BRD9: variants seen among roughly 807,000 people sequenced by gnomAD.
BRD9 encodes the protein bromodomain containing 9, also known as bromodomain-containing protein 9.
Under a neutral mutation model 68.7 loss-of-function variants are expected in BRD9, and 47 were observed. The ratio of observed to expected loss-of-function variants is 0.68; its 90% CI spans 0.54 to 0.87. The LOEUF (loss-of-function observed/expected upper bound fraction) is 0.87. Among genes scored for constraint, BRD9 ranks in the 40% least tolerant of loss-of-function variants. The pLI is 0.00. For synonymous variants in BRD9, 313 were observed against 293.9 expected (o/e 1.06, Z -0.67); for missense variants, 670 against 748.4 (o/e 0.90, Z 1.22).
chr5:878,611 C>T (rs1751356711), intron 10 of BRD9, 124 bp from the exon 11 acceptor site: 2 of 1,361,652 alleles, frequency 1.5e-6, no homozygotes, highest in Non-Finnish European at 2.0e-6. Context: ...TCTCACCTCT[C>T]TTGCTCTCCA....
chr5:882,092 G>C (rs1420867502), intron 8 of BRD9: 1 of 152,796 alleles, frequency 6.5e-6, no homozygotes, highest in African/African-American at 2.4e-5. Flanking sequence ...TCTATCTGCA[G>C]AGGGCTTCAC....
In BRD9 at chr5:887,382, T is replaced by C. The variant is rs775294530; in HGVS notation, c.696A>G (p.Ala232=). 1 of 1,613,430 alleles carries C rather than the reference T, an allele frequency of 6.2e-7. No individual in the cohort carries two copies. Among genetic ancestry groups the C allele is most frequent in the Non-Finnish European group, 8.5e-7 (1 of 1,179,376 alleles). The part of the protein sequence containing the change: ...YYKLAKKILH[A]GFKMMSKQAA... The stretch of plus-strand genomic sequence containing the variant: ...TTACTTTGCTCATCATCTTAAAGCC[T>C]GCGTGAAGGATCTTCTTCGCCAACT... The change falls in exon 6 of 16, where the codon GCA becomes GCG. Residue 232 remains alanine, a synonymous_variant. Coordinates refer to ENST00000467963, the MANE Select transcript of BRD9 (RefSeq NM_023924.5).
At position 878,457 on chromosome 5, in the gene BRD9, A is replaced by G; in HGVS notation, c.1169T>C (p.Leu390Pro). ...AAATACTGAATTATTCTGCATCGAA[A>G]GCGCAGTAGTGGCACTGGAGAGAAA... ...VTFLSSATTA[L>P]SMQNNSVFGD... The change falls in exon 11 of 16, where the codon CTT (leucine) becomes CCT (proline). Residue 390 changes from leucine to proline, a missense_variant. By Grantham distance (98) the Leu-to-Pro change is moderately conservative (BLOSUM62 -3). Transcript: ENST00000467963. 2.5e-6 allele frequency: 4 copies of G among 1,614,278 alleles called. No individual in the cohort carries two copies. The highest frequency in any genetic ancestry group is 3.4e-6 in the Non-Finnish European group (4 of 1,180,054).
intron 11 of BRD9, among the ~76,000 whole-genome samples, chr5:876,775 G>C (rs1432990432): frequency 6.6e-6 from 1 of 152,230 alleles, no homozygotes; most frequent in Non-Finnish European, 1.5e-5. Context: ...GGGCTCCCCA[G>C]ACTCCAAAGA....
chr5:864,459 G>A lies in BRD9; in HGVS notation c.*9C>T, dbSNP rs200771795. The A allele has an allele frequency of 1.3e-6, 2 of 1,583,436 alleles. No homozygotes were observed. Among genetic ancestry groups the A allele is most frequent in the Non-Finnish European group, 1.7e-6 (2 of 1,159,292 alleles). On this transcript the variant is annotated 3_prime_UTR_variant, in exon 16 of 16. Transcript: ENST00000467963. ...AAAATAAAATAAAAGAGCTGAAGGT[G>A]GTCTAGAGTTAGGTCTTGGCAGAGG...
intron 8 of BRD9, chr5:882,847 C>T (rs931107210): frequency 5.6e-5 from 11 of 196,712 alleles, no homozygotes; most frequent in African/African-American, 1.7e-4. Context: ...ACACGAGCCA[C>T]GCAGACTGCA....
In BRD9 at chr5:865,792, G is replaced by A. The variant is rs556646075; in HGVS notation, c.1526-211C>T. On this transcript the variant is annotated intron_variant, in intron 14 of 15. Coordinates refer to ENST00000467963, the MANE Select transcript of BRD9 (RefSeq NM_023924.5). ...TGAGTGAAGGGAAGGCAGACACCCA[G>A]CGTCCTTTGCTCAAGCAAAGCATCA... 3 of 537,790 alleles carry A rather than the reference G, an allele frequency of 5.6e-6. No individual in the cohort carries two copies. The East Asian group carries it at 9.4e-5, about 17-fold the overall frequency. The allele number at this position is 537,790 out of a possible 1,614,324, so 33.3% of individuals were successfully genotyped here.
At chr5:871,453 C>T in intron 13 of BRD9, 73 bp downstream of exon 13, 1 of 1,385,082 alleles carries the variant, frequency 7.2e-7, no homozygotes, top group African/African-American at 1.4e-5. Flanking sequence ...CAGACCTCCC[C>T]ACCTCAAAGG....
In BRD9 at chr5:888,880, G is replaced by C. The variant is rs2150647186; in HGVS notation, c.606+141C>G. ...CACGACCAATCATTTCCTTAATGCTGTGTCTGTAAAACATCATCCGAACAC... is the reference window on the plus strand; with the variant it reads ...CACGACCAATCATTTCCTTAATGCTCTGTCTGTAAAACATCATCCGAACAC... On this transcript the variant is annotated intron_variant, in intron 5 of 15. Transcript: ENST00000467963. 1.1e-5 allele frequency: 9 copies of C among 854,068 alleles called. No homozygotes were observed. In the South Asian group the frequency reaches 1.8e-4, roughly 17 times the overall value. The allele number at this position is 854,068 out of a possible 1,614,324, so 52.9% of individuals were successfully genotyped here.
rs985817396 is a variant in BRD9, at chr5:886,838, T to G, written c.718-131A>C. The G allele has an allele frequency of 2.7e-6, 4 of 1,499,012 alleles. No homozygotes were observed. In the African/African-American group the frequency reaches 5.5e-5, roughly 21 times the overall value. The allele number at this position is 1,499,012 out of a possible 1,614,324, so 92.9% of individuals were successfully genotyped here. On this transcript the variant is annotated intron_variant, in intron 6 of 15. Transcript: ENST00000467963. ...CAGCCAGGGTGCCGTGACGATGGGA[T>G]GGGATGGGGATGGTCACAGCCTCAC... is the stretch of plus-strand genomic sequence containing the variant.
chr5:877,930 G>A lies in BRD9; in HGVS notation c.1271+425C>T, dbSNP rs1216907465. On this transcript the variant is annotated intron_variant, in intron 11 of 15. Transcript: ENST00000467963. ...CCCCGGGAAGGCACAGGGAAAAGACGGAAAGACGGCACCTGCAGGCCCAGG... is the reference window on the plus strand; with the variant it reads ...CCCCGGGAAGGCACAGGGAAAAGACAGAAAGACGGCACCTGCAGGCCCAGG... Among the ~76,000 whole-genome samples the A allele has an allele frequency of 7.9e-5, 12 of 152,274 alleles. 1 individual carries two copies. In the South Asian group the frequency reaches 1.0e-3, roughly 13 times the overall value.
At chr5:888,616 C>T (rs1447901354) in intron 5 of BRD9, among the ~76,000 whole-genome samples, 1 of 152,194 alleles carries the variant, frequency 6.6e-6, no homozygotes, top group Non-Finnish European at 1.5e-5. Flanking sequence ...ACTCAGGAGA[C>T]AGAAAAACTT....
chr5:866,761 A>G (rs60060385), intron 14 of BRD9, among the ~76,000 whole-genome samples: 5,718 of 152,288 alleles, frequency 0.038, 339 homozygotes, highest in African/African-American at 0.13. Flanking sequence ...TAAAGCATTC[A>G]AGAGGTGACT....
chr5:871,608 T>C (rs1750135796), intron 12 of BRD9, 44 bp from the exon 13 acceptor site: 1 of 1,579,550 alleles, frequency 6.3e-7, no homozygotes, highest in African/African-American at 1.3e-5. Flanking sequence ...CCAGAGTGAT[T>C]TCATAGAAAC....
chr5:868,549 G>A (rs1749688105), intron 14 of BRD9: 1 of 152,246 alleles, frequency 6.6e-6, no homozygotes, highest in African/African-American at 2.4e-5. Flanking sequence ...AACAACAGGA[G>A]CAGAGTGGTT....
At chr5:892,157 G>C (rs1287500461) in intron 1 of BRD9, 1 of 439,326 alleles carries the variant, frequency 2.3e-6, no homozygotes, top group Non-Finnish European at 4.0e-6. Context: ...TGGAACCCCG[G>C]AGCCCGATCT....
At chr5:884,234 C>G (rs958590668) in intron 7 of BRD9, among the ~76,000 whole-genome samples, 164 bp from the exon 8 acceptor site, 1 of 152,226 alleles carries the variant, frequency 6.6e-6, no homozygotes, top group African/African-American at 2.4e-5. Flanking sequence ...CCTTTTCACC[C>G]TAACCAAATG....
intron 12 of BRD9, among the ~76,000 whole-genome samples, chr5:872,041 G>A (rs1750213426): frequency 6.6e-6 from 1 of 152,168 alleles, no homozygotes; most frequent in South Asian, 2.1e-4. Context: ...GCCTGTGGCA[G>A]GTGGGCCTGC....
At position 887,491 on chromosome 5, in the gene BRD9, G is replaced by C. The variant is rs1245807485; in HGVS notation, c.607-20C>G. 3.8e-6 allele frequency: 6 copies of C among 1,582,986 alleles called. No homozygotes were observed. Among genetic ancestry groups the C allele is most frequent in the Admixed American group, 3.3e-5 (2 of 59,924 alleles). Reference sequence around the variant, plus strand: ...ATCTGCCTGAAAAGAAAACAGGAAAGACTTATCAGGTTTGAAATGCCACAG... The same window carrying C: ...ATCTGCCTGAAAAGAAAACAGGAAACACTTATCAGGTTTGAAATGCCACAG... On this transcript the variant is annotated intron_variant, in intron 5 of 15. Coordinates refer to ENST00000467963, the MANE Select transcript of BRD9 (RefSeq NM_023924.5).
Sources: gnomAD v4.1 joint callset for allele counts (sites outside exome capture counted in the v4.1 genomes callset) on GRCh38, gnomAD v4.1.1 for gene constraint, MANE v1.5 for transcripts, NCBI Gene and HGNC (gene_info 2026-07-23, HGNC 2026-07-21) for gene names.